Variants in FOXO3 observed in about 807,000 individuals in gnomAD.
The protein encoded by FOXO3 is forkhead box protein O3.
Under a neutral mutation model 41.9 loss-of-function variants are expected in FOXO3, and 4 were observed. That is an observed-to-expected ratio of 0.10 (90% CI 0.05 to 0.22). FOXO3 has a LOEUF of 0.22. FOXO3 is among the 10% of genes least tolerant of loss of function. The pLI, the probability that FOXO3 is intolerant of heterozygous loss-of-function variation, is 1.00. For synonymous variants in FOXO3, 318 were observed against 389.3 expected (o/e 0.82, Z 2.16); for missense variants, 534 against 906.8 (o/e 0.59, Z 5.28).
chr6:108,581,360 C>G (rs1222794835), intron 1 of FOXO3, among the ~76,000 whole-genome samples: 1 of 152,076 alleles, frequency 6.6e-6, no homozygotes, highest in African/African-American at 2.4e-5. Flanking sequence ...GTCAGAATAC[C>G]TTGGCAGAGG....
In FOXO3 at chr6:108,569,987, G is replaced by GTTTTTTTTTTTTT. The variant is rs71015551; in HGVS notation, c.621+8176_621+8188dup. On this transcript the variant is annotated intron_variant, in intron 1 of 2. Transcript: ENST00000406360. The stretch of plus-strand genomic sequence containing the variant: ...TCCACATCATGTTTTCCCTTGCGTG[G>GTTTTTTTTTTTTT]TTTTTTTTTTTTTTTTTTTTTTTTT... Among the ~76,000 whole-genome samples the GTTTTTTTTTTTTT allele has an allele frequency of 1.1e-3, 77 of 73,258 alleles. 7 individuals carry two copies. Among genetic ancestry groups the GTTTTTTTTTTTTT allele is most frequent in the Non-Finnish European group, 1.5e-3 (61 of 41,560 alleles). The allele number at this position is 73,258 out of a possible 152,430, so 48.1% of individuals were successfully genotyped here.
intron 1 of FOXO3, among the ~76,000 whole-genome samples, chr6:108,598,984 T>A (rs917701706): frequency 2.6e-5 from 4 of 152,216 alleles, no homozygotes; most frequent in Non-Finnish European, 5.9e-5. Flanking sequence ...TTTCTTTTTT[T>A]ATGCAACTAA....
chr6:108,569,987 GTTTTTTTTTTTTTTTTT>G (rs71015551), intron 1 of FOXO3, among the ~76,000 whole-genome samples: 56 of 73,264 alleles, frequency 7.6e-4, no homozygotes, highest in Admixed American at 3.4e-4. Context: ...CCCTTGCGTG[GTTTTTTTTTTTTTTTTT>G]TTTTTTTTTT....
At chr6:108,629,460 G>T (rs939274877) in intron 1 of FOXO3, among the ~76,000 whole-genome samples, 3 of 152,146 alleles carry the variant, frequency 2.0e-5, no homozygotes, top group Non-Finnish European at 4.4e-5. Context: ...TGTCAGTTTA[G>T]CGGGAGGTTT....
intron 1 of FOXO3, among the ~76,000 whole-genome samples, chr6:108,640,074 A>G (rs1313982776): frequency 6.6e-6 from 1 of 152,238 alleles, no homozygotes; most frequent in East Asian, 1.9e-4. Context: ...GCAGAGGACC[A>G]CAGCAGTGGT....
intron 1 of FOXO3, among the ~76,000 whole-genome samples, chr6:108,600,982 A>G (rs1388452431): frequency 6.6e-6 from 1 of 152,074 alleles, no homozygotes; most frequent in South Asian, 2.1e-4. Flanking sequence ...GATACAGAAC[A>G]TTTCTTATCA....
rs9486903 is a variant in FOXO3 at position 108,576,065 on chromosome 6, T to C, written c.621+14236T>C. 4.8e-3 allele frequency among the ~76,000 whole-genome samples: 726 copies of C among 152,346 alleles called. 7 individuals are homozygous for C. Among genetic ancestry groups the C allele is most frequent in the African/African-American group, 0.016 (686 of 41,586 alleles). On this transcript the variant is annotated intron_variant, in intron 1 of 2. Coordinates refer to ENST00000406360, the MANE Select transcript of FOXO3 (RefSeq NM_001455.4). ...AACACATGGACTCTTAAGCTCATGA[T>C]AGATAATTTCCTAGGTGAGCTAGTA... is the stretch of plus-strand genomic sequence containing the variant.
At chr6:108,627,713 T>G (rs1231638612) in intron 1 of FOXO3, among the ~76,000 whole-genome samples, 1 of 151,178 alleles carries the variant, frequency 6.6e-6, no homozygotes, top group East Asian at 1.9e-4. Context: ...AAGAAAGAAA[T>G]AGTAAAAAAA....
chr6:108,577,418 C>T (rs1776291670), intron 1 of FOXO3, among the ~76,000 whole-genome samples: 1 of 152,172 alleles, frequency 6.6e-6, no homozygotes, highest in South Asian at 2.1e-4. Context: ...GGCTGCTGTT[C>T]CATTTTTGTC....
At chr6:108,622,466 A>G (rs1777696730) in intron 1 of FOXO3, among the ~76,000 whole-genome samples, 1 of 152,126 alleles carries the variant, frequency 6.6e-6, no homozygotes, top group Non-Finnish European at 1.5e-5. Context: ...TTGGAGAATT[A>G]CTGCAAGGAT....
intron 1 of FOXO3, among the ~76,000 whole-genome samples, chr6:108,599,900 A>G (rs1776995119): frequency 6.6e-6 from 1 of 152,164 alleles, no homozygotes; most frequent in African/African-American, 2.4e-5. Context: ...TCAGCAAAAT[A>G]TTGGGTGGCT....
At position 108,664,726 on chromosome 6, in the gene FOXO3, A is replaced by T; in HGVS notation, c.1893A>T (p.Glu631Asp). Residue 631 changes from glutamate (E) to aspartate (D), a missense_variant, in exon 2 of 3, where the codon GAA (glutamate) becomes GAT (aspartate). Around this residue, in one of 8 missense-constraint regions of FOXO3, gnomAD observed 94 missense variants for 214.4 expected, o/e 0.44. Coordinates refer to ENST00000406360, the MANE Select transcript of FOXO3 (RefSeq NM_001455.4). ...ECDMESIIRS[E>D]LMDADGLDFN... ...ACATGGAGTCCATTATCCGTAGTGA[A>T]CTCATGGATGCTGATGGGTTGGATT... is the stretch of plus-strand genomic sequence containing the variant. 7.9e-7 allele frequency: 1 copy of T among 1,259,626 alleles called. No homozygotes were observed. Among genetic ancestry groups the T allele is most frequent in the Non-Finnish European group, 1.2e-6 (1 of 868,770 alleles). 78.0% of individuals were successfully genotyped at this position (1,259,626 alleles called of 1,614,324 possible).
intron 1 of FOXO3, among the ~76,000 whole-genome samples, chr6:108,640,206 A>C (rs1173276686): frequency 6.6e-6 from 1 of 152,190 alleles, no homozygotes; most frequent in Non-Finnish European, 1.5e-5. Flanking sequence ...CTTTCATTGG[A>C]TAAGAAAGGT....
At chr6:108,567,161 G>C (rs1408277339) in intron 1 of FOXO3, among the ~76,000 whole-genome samples, 1 of 152,120 alleles carries the variant, frequency 6.6e-6, no homozygotes, top group Admixed American at 6.5e-5. Context: ...CTGTATTTCT[G>C]CTTTCTCTAG....
At chr6:108,598,576 G>A (rs975447542) in intron 1 of FOXO3, among the ~76,000 whole-genome samples, 7 of 152,124 alleles carry the variant, frequency 4.6e-5, no homozygotes, top group Non-Finnish European at 7.4e-5. Context: ...ACAAAGTTAC[G>A]CACAACATGA....
In FOXO3 at chr6:108,683,680, C is replaced by A. The variant is rs1331866467; in HGVS notation, c.*3888C>A. On this transcript the variant is annotated 3_prime_UTR_variant, in exon 3 of 3. Coordinates refer to ENST00000406360, the MANE Select transcript of FOXO3 (RefSeq NM_001455.4). ...CAGCCTGGGTAACAAGAGTGAAACTCCGTGTCAAAAAAAAAAAAAAAATGT... is the reference window on the plus strand; with the variant it reads ...CAGCCTGGGTAACAAGAGTGAAACTACGTGTCAAAAAAAAAAAAAAAATGT... 5.9e-5 allele frequency: 7 copies of A among 118,502 alleles called. No homozygotes were observed. In the East Asian group the frequency reaches 1.3e-3, roughly 23 times the overall value. The allele number at this position is 118,502 out of a possible 1,614,324, so 7.3% of individuals were successfully genotyped here. A position where few individuals can be genotyped will look rare whatever the true frequency, so the allele number is the denominator to read the frequency against.
intron 1 of FOXO3, among the ~76,000 whole-genome samples, chr6:108,618,798 C>T (rs892959346): frequency 6.6e-5 from 10 of 152,204 alleles, no homozygotes; most frequent in African/African-American, 1.7e-4. Context: ...CTCTAGGAAC[C>T]GACCCTTTTG....
At chr6:108,633,627 G>T (rs1778035636) in intron 1 of FOXO3, among the ~76,000 whole-genome samples, 1 of 152,068 alleles carries the variant, frequency 6.6e-6, no homozygotes, top group African/African-American at 2.4e-5. Context: ...CCCCTTTTGT[G>T]CATGCAGTAC....
At chr6:108,598,650 A>G (rs998475095) in intron 1 of FOXO3, among the ~76,000 whole-genome samples, 5 of 152,222 alleles carry the variant, frequency 3.3e-5, no homozygotes, top group African/African-American at 1.2e-4. Flanking sequence ...GGGGAGTGTT[A>G]CACATTTTAT....
Sources: allele counts gnomAD v4.1 joint callset (sites outside exome capture counted in the v4.1 genomes callset), GRCh38; gene constraint gnomAD v4.1.1; regional missense constraint gnomAD v4.1.1; transcripts MANE v1.5; gene names NCBI Gene and HGNC (gene_info 2026-07-23, HGNC 2026-07-21).